MTCL2: variants seen among roughly 807,000 people sequenced by gnomAD.
The protein encoded by MTCL2 is microtubule cross-linking factor 2.
the MTCL2 span, chr20:36,794,768 TC>T: frequency 9.5e-6 from 8 of 841,650 alleles, no homozygotes; most frequent in South Asian, 4.8e-5. The surrounding 1 kb of genome is among the most constrained non-coding windows in gnomAD (Gnocchi z 5.4). Flanking sequence ...GTCTGCATTT[TC>T]TTTTTTTTTT....
At chr20:36,782,687 C>T in the MTCL2 span, 1 of 152,242 alleles carries the variant, frequency 6.6e-6, no homozygotes, top group African/African-American at 2.4e-5. Flanking sequence ...GCACGCACCA[C>T]CATGCTCAGC....
At chr20:36,819,582 T>C in the MTCL2 span, among the ~76,000 whole-genome samples, 1 of 149,720 alleles carries the variant, frequency 6.7e-6, no homozygotes, top group South Asian at 2.1e-4. Flanking sequence ...GCACAGTGGT[T>C]CTCAACCTGG....
the MTCL2 span, chr20:36,802,764 C>T: frequency 1.4e-6 from 2 of 1,437,158 alleles, no homozygotes; most frequent in Non-Finnish European, 1.9e-6. Context: ...GCACCTAGAT[C>T]CAGCTATACC....
At chr20:36,785,640 G>A in the MTCL2 span, 1 of 985,386 alleles carries the variant, frequency 1.0e-6, no homozygotes, top group Non-Finnish European at 1.2e-6. Flanking sequence ...GAGATCACTT[G>A]AGATCAAGGC....
At chr20:36,815,815 C>T in the MTCL2 span, 6 of 1,593,836 alleles carry the variant, frequency 3.8e-6, no homozygotes, top group East Asian at 2.3e-5. This position sits in a 1 kb window ranked among gnomAD's most constrained non-coding sequence, Gnocchi z 5.3. Flanking sequence ...TTGGCCAGCT[C>T]GTTCAGCAGC....
the MTCL2 span, among the ~76,000 whole-genome samples, chr20:36,836,501 C>T: frequency 6.6e-6 from 1 of 151,896 alleles, no homozygotes; most frequent in Non-Finnish European, 1.5e-5. Flanking sequence ...TGTACCACCA[C>T]ACCCGGCTCA....
the MTCL2 span, among the ~76,000 whole-genome samples, chr20:36,861,470 G>C: frequency 1.3e-5 from 2 of 152,198 alleles, no homozygotes; most frequent in African/African-American, 4.8e-5. Flanking sequence ...AAAATGGGGA[G>C]ACAGAGACAT....
chr20:36,848,825 C>G, the MTCL2 span, among the ~76,000 whole-genome samples: 1 of 151,974 alleles, frequency 6.6e-6, no homozygotes, highest in Non-Finnish European at 1.5e-5. Flanking sequence ...GGCCTATGAA[C>G]AAATCATCAT....
At chr20:36,825,839 C>T in the MTCL2 span, among the ~76,000 whole-genome samples, 1 of 152,158 alleles carries the variant, frequency 6.6e-6, no homozygotes, top group African/African-American at 2.4e-5. Flanking sequence ...AAGCCTGAGA[C>T]ACCACAGGGC....
At chr20:36,809,310 T>G in the MTCL2 span, among the ~76,000 whole-genome samples, 16 of 152,106 alleles carry the variant, frequency 1.1e-4, no homozygotes, top group Non-Finnish European at 4.4e-5. Context: ...ACATAATGGG[T>G]AGAAAGTGCA....
chr20:36,860,732 T>A, the MTCL2 span, among the ~76,000 whole-genome samples: 1 of 152,178 alleles, frequency 6.6e-6, no homozygotes, highest in Admixed American at 6.5e-5. Context: ...TTTTTACAAA[T>A]GAGAAAGCAA....
At chr20:36,813,752 CA>C in the MTCL2 span, among the ~76,000 whole-genome samples, 34 of 65,842 alleles carry the variant, frequency 5.2e-4, no homozygotes, top group African/African-American at 1.7e-3. Flanking sequence ...GACTCTGTCT[CA>C]AAAAAAAAAA....
At chr20:36,813,776 AG>A in the MTCL2 span, among the ~76,000 whole-genome samples, 267 of 144,244 alleles carry the variant, frequency 1.9e-3, 1 homozygote, top group Non-Finnish European at 3.2e-3. Context: ...AAAAAAAAAA[AG>A]ATAAAAGAAA....
chr20:36,789,155 C>T, the MTCL2 span, among the ~76,000 whole-genome samples: 5 of 152,146 alleles, frequency 3.3e-5, no homozygotes, highest in East Asian at 3.9e-4. Context: ...ATGGGTAGCA[C>T]GCACATTTTA....
At chr20:36,841,874 G>GGTGTGT in the MTCL2 span, among the ~76,000 whole-genome samples, 1,939 of 110,776 alleles carry the variant, frequency 0.018, 47 homozygotes, top group African/African-American at 0.043. Flanking sequence ...TGGGGGGTGG[G>GGTGTGT]GTGTGTGTGT....
the MTCL2 span, among the ~76,000 whole-genome samples, chr20:36,807,232 A>G: frequency 2.0e-5 from 3 of 152,134 alleles, no homozygotes; most frequent in Non-Finnish European, 4.4e-5. Flanking sequence ...CCACTGAGAT[A>G]GGGTGATGCA....
chr20:36,779,405 G>A, the MTCL2 span: 1 of 152,794 alleles, frequency 6.5e-6, no homozygotes, highest in Non-Finnish European at 1.5e-5. Flanking sequence ...CTGGGCCTGG[G>A]CAGGGCAGGG....
At chr20:36,791,436 C>G in the MTCL2 span, among the ~76,000 whole-genome samples, 1 of 152,186 alleles carries the variant, frequency 6.6e-6, no homozygotes, top group Non-Finnish European at 1.5e-5. Flanking sequence ...TTCACCACAG[C>G]ATTATTTGCA....
chr20:36,790,933 T>C, the MTCL2 span, among the ~76,000 whole-genome samples: 35 of 152,234 alleles, frequency 2.3e-4, no homozygotes, highest in Admixed American at 1.1e-3. Flanking sequence ...AGTGAGAGTA[T>C]AGAAAAGTAA....
Sources: gnomAD v4.1 joint callset for allele counts (sites outside exome capture counted in the v4.1 genomes callset) on GRCh38, gnomAD v4.1.1 for gene constraint, Gnocchi (gnomAD v3.1) non-coding constraint, MANE v1.5 for transcripts, NCBI Gene and HGNC (gene_info 2026-07-23, HGNC 2026-07-21) for gene names.